ATP2B1: variants seen among roughly 807,000 people sequenced by gnomAD.
The protein encoded by ATP2B1 is ATPase plasma membrane Ca2+ transporting 1, also known as plasma membrane calcium-transporting ATPase 1.
A neutral mutation model predicts 124.2 loss-of-function variants in ATP2B1; 14 were observed. The observed-to-expected ratio is 0.11, with a 90% CI of 0.07 to 0.18. The LOEUF is 0.18. ATP2B1 is among the 10% of genes least tolerant of loss of function. The pLI, the probability that ATP2B1 is intolerant of heterozygous loss-of-function variation, is 1.00. For missense variants in ATP2B1, 763 were observed against 1,466.1 expected, an observed-to-expected ratio of 0.52 and a Z score of 7.83; for synonymous variants, 449 against 492.4, an observed-to-expected ratio of 0.91 and a Z score of 1.17.
chr12:89,694,651 G>A (rs1360476527), intron 1 of ATP2B1, among the ~76,000 whole-genome samples: 1 of 152,166 alleles, frequency 6.6e-6, no homozygotes, highest in Non-Finnish European at 1.5e-5. Flanking sequence ...ATGAAAAACT[G>A]ATAGCCTGGC....
At chr12:89,668,830 C>T (rs910266007) in intron 1 of ATP2B1, among the ~76,000 whole-genome samples, 4 of 152,120 alleles carry the variant, frequency 2.6e-5, no homozygotes, top group African/African-American at 7.2e-5. Context: ...TCTTAGATTT[C>T]CCATCTCCTT....
At chr12:89,632,437 C>T (rs971555527) in intron 5 of ATP2B1, among the ~76,000 whole-genome samples, 1 of 152,110 alleles carries the variant, frequency 6.6e-6, no homozygotes, top group East Asian at 1.9e-4. Context: ...AGTGAAAGTG[C>T]AGGGAAAACA....
At chr12:89,661,165 A>G (rs1886651531) in intron 1 of ATP2B1, among the ~76,000 whole-genome samples, 2 of 152,218 alleles carry the variant, frequency 1.3e-5, no homozygotes, top group South Asian at 4.1e-4. Context: ...ACCATCTCAT[A>G]AATTAATATC....
chr12:89,601,264 C>G, intron 19 of ATP2B1, 62 bp downstream of exon 19: 1 of 1,129,574 alleles, frequency 8.9e-7, no homozygotes, highest in South Asian at 1.4e-5. Flanking sequence ...AAAGAAAATA[C>G]ACACTAGAAA....
At chr12:89,648,786 C>T (rs796788833) in intron 2 of ATP2B1, among the ~76,000 whole-genome samples, 29 of 152,340 alleles carry the variant, frequency 1.9e-4, no homozygotes, top group African/African-American at 7.0e-4. Context: ...GCAGCCTAGG[C>T]GGAAAGAATG....
intron 2 of ATP2B1, among the ~76,000 whole-genome samples, chr12:89,654,436 G>C (rs1478411649): frequency 2.0e-5 from 3 of 152,138 alleles, no homozygotes; most frequent in Non-Finnish European, 4.4e-5. Context: ...GTTTCTAGTG[G>C]TTCCAATTTG....
intron 1 of ATP2B1, among the ~76,000 whole-genome samples, chr12:89,700,455 G>A (rs923300841): frequency 2.0e-5 from 3 of 152,154 alleles, no homozygotes; most frequent in African/African-American, 7.2e-5. Flanking sequence ...AAAAAGAGTA[G>A]TTATAGCACT....
At chr12:89,591,493 A>C (rs1460151758) in intron 20 of ATP2B1, among the ~76,000 whole-genome samples, 198 bp from the exon 21 acceptor site, 1 of 150,658 alleles carries the variant, frequency 6.6e-6, no homozygotes, top group Non-Finnish European at 1.5e-5. Flanking sequence ...ACATACTCTA[A>C]GAATTAAGAG....
At chr12:89,708,147 G>A (rs911990071) in intron 1 of ATP2B1, among the ~76,000 whole-genome samples, 5 of 152,162 alleles carry the variant, frequency 3.3e-5, no homozygotes, top group South Asian at 2.1e-4. Flanking sequence ...CGAGGCCAAG[G>A]ATTAGAGGGG....
chr12:89,696,147 T>C (rs1891115114), intron 1 of ATP2B1, among the ~76,000 whole-genome samples: 1 of 152,124 alleles, frequency 6.6e-6, no homozygotes, highest in African/African-American at 2.4e-5. Context: ...CAACAAAATA[T>C]GAATTCTTAA....
chr12:89,595,561 G>C (rs568252992), intron 20 of ATP2B1, among the ~76,000 whole-genome samples: 6 of 152,100 alleles, frequency 3.9e-5, no homozygotes, highest in African/African-American at 1.2e-4. Flanking sequence ...AGCTAAGCAA[G>C]GTCACCCAAT....
chr12:89,687,891 C>T (rs985342400), intron 1 of ATP2B1, among the ~76,000 whole-genome samples: 2 of 152,024 alleles, frequency 1.3e-5, no homozygotes, highest in Non-Finnish European at 2.9e-5. Flanking sequence ...GGAGGCAAAA[C>T]TCATACAGTA....
intron 1 of ATP2B1, among the ~76,000 whole-genome samples, chr12:89,659,668 A>G (rs1256497414): frequency 2.0e-5 from 3 of 152,176 alleles, no homozygotes; most frequent in Admixed American, 1.3e-4. Flanking sequence ...CATGCCTGTA[A>G]TCCCAGCACT....
intron 3 of ATP2B1, among the ~76,000 whole-genome samples, chr12:89,637,010 G>T (rs553153590): frequency 6.6e-6 from 1 of 152,304 alleles, no homozygotes; most frequent in South Asian, 2.1e-4. Context: ...CTGAATTAGA[G>T]CAACTCTGGA....
At chr12:89,655,549 C>A in intron 2 of ATP2B1, 130 bp downstream of exon 2, 1 of 834,904 alleles carries the variant, frequency 1.2e-6, no homozygotes, top group Non-Finnish European at 1.9e-6. Context: ...GATAACTAAC[C>A]CATTTTTAAT....
intron 2 of ATP2B1, among the ~76,000 whole-genome samples, chr12:89,646,110 A>T (rs1002041949): frequency 2.0e-5 from 3 of 151,500 alleles, no homozygotes; most frequent in African/African-American, 7.3e-5. Flanking sequence ...TGCGAGGGGG[A>T]GGGGTCTTCA....
In ATP2B1 at chr12:89,626,608, G is replaced by C. The variant is rs11105347; in HGVS notation, c.975C>G (p.Ala325=). The C allele has an allele frequency of 6.3e-7, 1 of 1,593,988 alleles. No homozygotes were observed. ...GAIENRNKAK[A]QDGAAMEMQP... is the part of the protein sequence containing the mutation. ...GCATTTCCATGGCTGCACCATCCTG[G>C]GCTTTTGCTACATTTAAGAGCAAAT... Residue 325 remains alanine (A), a synonymous_variant, in exon 8 of 21, where the codon GCC becomes GCG. Transcript: ENST00000428670.
At chr12:89,688,241 T>C (rs1353733958) in intron 1 of ATP2B1, among the ~76,000 whole-genome samples, 1 of 152,138 alleles carries the variant, frequency 6.6e-6, no homozygotes, top group Admixed American at 6.5e-5. Flanking sequence ...CATGTAACTG[T>C]TGAGGTCTCA....
At chr12:89,701,110 A>G (rs1236699063) in intron 1 of ATP2B1, among the ~76,000 whole-genome samples, 1 of 152,174 alleles carries the variant, frequency 6.6e-6, no homozygotes, top group Non-Finnish European at 1.5e-5. Flanking sequence ...GCTATACTCT[A>G]ATACAGACCA....
Sources: gnomAD v4.1 joint callset for allele counts (sites outside exome capture counted in the v4.1 genomes callset) on GRCh38, gnomAD v4.1.1 for gene constraint, MANE v1.5 for transcripts, NCBI Gene and HGNC (gene_info 2026-07-23, HGNC 2026-07-21) for gene names.